RAI1: variants seen among roughly 807,000 people sequenced by gnomAD.
RAI1 encodes retinoic acid induced 1, also known as retinoic acid-induced protein 1.
Under a neutral mutation model 123.8 loss-of-function variants are expected in RAI1, and 9 were observed. The observed-to-expected ratio is 0.07, with a 90% CI of 0.04 to 0.13. The LOEUF (loss-of-function observed/expected upper bound fraction) is 0.13, where lower values mean the gene tolerates loss of function less well. RAI1 is among the 10% of genes least tolerant of loss of function. The pLI is 1.00. For synonymous variants in RAI1, 1,231 were observed against 1,127.3 expected (o/e 1.09, Z -1.84); for missense variants, 2,256 against 2,545.8 (o/e 0.89, Z 2.45).
Position 17,793,987 on chromosome 17 carries a change from G to A in RAI1, c.1039G>A (p.Ala347Thr). 6 of 1,613,738 alleles carry A rather than the reference G, an allele frequency of 3.7e-6. No homozygotes were observed. The highest frequency in any genetic ancestry group is 5.1e-6 in the Non-Finnish European group (6 of 1,179,986). ...CAGCCCCAGCTCCAGCCACTCACCCGCCCGCTCCGTGGGCCGCTCACCTTC... is the reference window on the plus strand; with the variant it reads ...CAGCCCCAGCTCCAGCCACTCACCCACCCGCTCCGTGGGCCGCTCACCTTC... ...TFSPSSSHSP[A>T]RSVGRSPSYS... The change falls in exon 3 of 6, where the codon GCC (alanine) becomes ACC (threonine). Residue 347 changes from alanine (A) to threonine (T), a missense_variant. Ala to Thr is a moderately conservative substitution (Grantham distance 58, BLOSUM62 0). This residue lies in a region of RAI1 where 357 missense variants were observed against 480.2 expected (regional missense o/e 0.74). Transcript: ENST00000353383.
chr17:17,757,608 AT>A (rs201607995), intron 2 of RAI1, among the ~76,000 whole-genome samples: 3,691 of 150,758 alleles, frequency 0.024, 151 homozygotes, highest in African/African-American at 0.085. Context: ...TTCTCGGAGG[AT>A]TTTTTTTTCC....
intron 1 of RAI1, among the ~76,000 whole-genome samples, chr17:17,700,437 C>T (rs1018255361): frequency 6.6e-6 from 1 of 151,850 alleles, no homozygotes; most frequent in East Asian, 1.9e-4. Context: ...CGTTCGCGCG[C>T]AGCCCCTGCG....
chr17:17,781,048 C>A (rs569073289), intron 2 of RAI1, among the ~76,000 whole-genome samples: 6 of 152,228 alleles, frequency 3.9e-5, no homozygotes, highest in Non-Finnish European at 8.8e-5. Flanking sequence ...ATCTCCACCC[C>A]CCACCAGAGG....
intron 1 of RAI1, among the ~76,000 whole-genome samples, chr17:17,713,511 C>G (rs139450619): frequency 0.011 from 1,681 of 152,234 alleles, 17 homozygotes; most frequent in African/African-American, 0.029. Flanking sequence ...CGTGGTGATA[C>G]ACGCCTGTAG....
At chr17:17,752,347 T>C (rs950676813) in intron 2 of RAI1, among the ~76,000 whole-genome samples, 12 of 151,402 alleles carry the variant, frequency 7.9e-5, no homozygotes, top group Admixed American at 7.2e-4. Flanking sequence ...CGGGGCGGGG[T>C]GAGCGGAAAG....
rs575043569 is a variant in RAI1, at chr17:17,757,317, C to T, written c.-17+33158C>T. The stretch of plus-strand genomic sequence containing the variant: ...GGACTGAGAGGCCAAGGTGGGTTTG[C>T]GGAGGCAGGAGAGAGCTCCAGATCA... On this transcript the variant is annotated intron_variant, in intron 2 of 5. Transcript: ENST00000353383. Among the ~76,000 whole-genome samples the T allele has an allele frequency of 5.9e-5, 9 of 152,314 alleles. No homozygotes were observed. The East Asian group carries it at 7.7e-4, about 13-fold the overall frequency.
At chr17:17,792,721 G>A (rs1490352206) in intron 2 of RAI1, among the ~76,000 whole-genome samples, 1 of 147,878 alleles carries the variant, frequency 6.8e-6, no homozygotes, top group African/African-American at 2.5e-5. Context: ...CACAGAAGTT[G>A]TCAATATGCG....
intron 2 of RAI1, among the ~76,000 whole-genome samples, chr17:17,768,790 C>T (rs1321344939): frequency 6.6e-6 from 1 of 152,218 alleles, no homozygotes; most frequent in Admixed American, 6.5e-5. Context: ...GAGGTTCAGA[C>T]CCAAGGTGGC....
At chr17:17,699,392 G>A (rs1316691944) in intron 1 of RAI1, among the ~76,000 whole-genome samples, 3 of 152,194 alleles carry the variant, frequency 2.0e-5, no homozygotes, top group South Asian at 2.1e-4. Context: ...CACCTGGATC[G>A]AAGAAAGCCT....
chr17:17,730,012 C>T (rs544909892), intron 2 of RAI1, among the ~76,000 whole-genome samples: 41 of 152,256 alleles, frequency 2.7e-4, no homozygotes, highest in African/African-American at 8.9e-4. Flanking sequence ...ATCAGAGGGG[C>T]GGGCAGAACA....
chr17:17,784,520 C>A (rs2031751252), intron 2 of RAI1, among the ~76,000 whole-genome samples: 1 of 152,228 alleles, frequency 6.6e-6, no homozygotes, highest in African/African-American at 2.4e-5. Flanking sequence ...ATTAATCCCT[C>A]GGCAAAATGA....
chr17:17,766,846 GGT>G (rs2030953422), intron 2 of RAI1, among the ~76,000 whole-genome samples: 1 of 152,230 alleles, frequency 6.6e-6, no homozygotes, highest in African/African-American at 2.4e-5. Flanking sequence ...GAGCACTGCG[GGT>G]GCTGGAGATA....
In RAI1 at chr17:17,795,370, G is replaced by A. The variant is rs746952369; in HGVS notation, c.2422G>A (p.Gly808Arg). ...TGGGGAGAAGGTGGCCTCGTTGCCCGGGGACTTCAAGCAGGAGGAGGTGGG... is the reference window on the plus strand; with the variant it reads ...TGGGGAGAAGGTGGCCTCGTTGCCCAGGGACTTCAAGCAGGAGGAGGTGGG... ...PPGEKVASLP[G>R]DFKQEEVGGV... The change falls in exon 3 of 6, where the codon GGG (glycine) becomes AGG (arginine). Residue 808 changes from glycine to arginine, a missense_variant. Physicochemically the swap from Gly to Arg is moderately radical, Grantham distance 125. Around this residue, in one of 7 missense-constraint regions of RAI1, gnomAD observed 566 missense variants for 616.0 expected, o/e 0.92. Transcript: ENST00000353383. This position sits in a 1 kb window ranked among gnomAD's most constrained non-coding sequence, Gnocchi z 5.9. The A allele has an allele frequency of 4.0e-5, 64 of 1,593,918 alleles. No individual in the cohort carries two copies. The Middle Eastern group carries it at 1.0e-3, about 25-fold the overall frequency.
At chr17:17,733,596 G>A (rs534364917) in intron 2 of RAI1, among the ~76,000 whole-genome samples, 4 of 152,082 alleles carry the variant, frequency 2.6e-5, no homozygotes, top group South Asian at 2.1e-4. Flanking sequence ...GACATGGCAC[G>A]CCCCAGGTCC....
At chr17:17,778,564 C>G (rs1243729315) in intron 2 of RAI1, 2 of 363,224 alleles carry the variant, frequency 5.5e-6, no homozygotes, top group Non-Finnish European at 5.5e-6. Flanking sequence ...ACCCCGGCAC[C>G]AGAGTCTAGC....
intron 1 of RAI1, among the ~76,000 whole-genome samples, chr17:17,691,836 A>G (rs1391023132): frequency 6.6e-6 from 1 of 152,222 alleles, no homozygotes; most frequent in African/African-American, 2.4e-5. Context: ...GCTACCTTCC[A>G]GCCTGGGGCC....
At chr17:17,703,965 C>T (rs1055207286) in intron 1 of RAI1, among the ~76,000 whole-genome samples, 6 of 152,240 alleles carry the variant, frequency 3.9e-5, no homozygotes, top group Non-Finnish European at 8.8e-5. Context: ...CTTCTCGGGT[C>T]TCCCTATTGG....
chr17:17,787,372 A>AC (rs1289498875), intron 2 of RAI1, among the ~76,000 whole-genome samples: 9 of 151,920 alleles, frequency 5.9e-5, no homozygotes, highest in Admixed American at 5.2e-4. Flanking sequence ...AGCAATCAGC[A>AC]CCCCCCACCC....
At chr17:17,762,848 ACTCCCCAACCCCCTC>A (rs2142992766) in intron 2 of RAI1, among the ~76,000 whole-genome samples, 1 of 144,726 alleles carries the variant, frequency 6.9e-6, no homozygotes, top group South Asian at 2.2e-4. Context: ...CACACTGCCC[ACTCCCCAACCCCCTC>A]CTCTCTCTAG....
Sources: allele counts gnomAD v4.1 joint callset (sites outside exome capture counted in the v4.1 genomes callset), GRCh38; gene constraint gnomAD v4.1.1; regional missense constraint gnomAD v4.1.1; non-coding constraint Gnocchi (gnomAD v3.1); transcripts MANE v1.5; gene names NCBI Gene and HGNC (gene_info 2026-07-23, HGNC 2026-07-21).